Variants in MOCOS observed in about 807,000 individuals in gnomAD.
MOCOS encodes the protein human molybdenum cofactor sulfurase.
A neutral mutation model predicts 83.6 loss-of-function variants in MOCOS; 86 were observed. The ratio of observed to expected loss-of-function variants is 1.03; its 90% confidence interval spans 0.86 to 1.23. The LOEUF is 1.23. Among genes scored for constraint, MOCOS ranks in the 50% most tolerant of loss-of-function variants. The pLI is 0.00. For missense variants in MOCOS, 1,120 were observed against 1,126.9 expected (o/e 0.99, Z 0.09); for synonymous variants, 445 against 434.7 (o/e 1.02, Z -0.29).
intron 9 of MOCOS, among the ~76,000 whole-genome samples, chr18:36,234,433 C>A (rs1417727011): frequency 6.6e-6 from 1 of 152,104 alleles, no homozygotes; most frequent in African/African-American, 2.4e-5. Context: ...GTAACAGTAG[C>A]CTTGTATTAT....
At chr18:36,203,870 G>A (rs552946433) in intron 5 of MOCOS, among the ~76,000 whole-genome samples, 3 of 152,278 alleles carry the variant, frequency 2.0e-5, no homozygotes, top group African/African-American at 7.2e-5. Context: ...TGGGACAAAC[G>A]GAGTAGTTAA....
At chr18:36,196,614 G>A (rs926930911) in intron 2 of MOCOS, among the ~76,000 whole-genome samples, 1 of 152,252 alleles carries the variant, frequency 6.6e-6, no homozygotes, top group East Asian at 1.9e-4. Context: ...CTGGGAAGGT[G>A]CCAAGGAGGG....
intron 13 of MOCOS, among the ~76,000 whole-genome samples, chr18:36,261,567 A>C (rs1353392358): frequency 1.3e-5 from 2 of 152,226 alleles, no homozygotes; most frequent in Admixed American, 1.3e-4. Flanking sequence ...TCTTTATTAA[A>C]GAATTTTAGA....
rs143088339 is a variant in MOCOS, at chr18:36,250,572, T to G, written c.2040-587T>G. The stretch of plus-strand genomic sequence containing the variant: ...TAAAGAGTGAAGCACACTCTACATC[T>G]TCTTACCAGTACTTGCACCAATGTC... On this transcript the variant is annotated intron_variant, in intron 10 of 14. Coordinates refer to ENST00000261326, the MANE Select transcript of MOCOS (RefSeq NM_017947.4). Among the ~76,000 whole-genome samples the G allele has an allele frequency of 9.2e-3, 1,407 of 152,294 alleles. 14 individuals are homozygous for G. The highest frequency in any genetic ancestry group is 0.016 in the Non-Finnish European group (1,056 of 68,036).
chr18:36,203,262 T>C, intron 5 of MOCOS, 73 bp downstream of exon 5: 2 of 1,395,302 alleles, frequency 1.4e-6, no homozygotes, highest in Non-Finnish European at 2.0e-6. Context: ...ACAGGTGTGA[T>C]TCAGGTAAAG....
chr18:36,199,371 C>A (rs1190421718), intron 3 of MOCOS, among the ~76,000 whole-genome samples: 4 of 152,208 alleles, frequency 2.6e-5, no homozygotes, highest in Non-Finnish European at 5.9e-5. Context: ...ACTACTTAAA[C>A]CTTGTTATGT....
At chr18:36,259,993 CT>C in intron 12 of MOCOS, 43 bp from the exon 13 acceptor site, 1 of 1,611,400 alleles carries the variant, frequency 6.2e-7, no homozygotes, top group Non-Finnish European at 8.5e-7. Flanking sequence ...GTACAATTAT[CT>C]GCCATCCTCC....
chr18:36,214,244 C>CAAAAAAAAAAAAAAAAAAA (rs33965546), intron 7 of MOCOS, among the ~76,000 whole-genome samples: 2 of 91,396 alleles, frequency 2.2e-5, no homozygotes, highest in Non-Finnish European at 4.2e-5. Flanking sequence ...AACTCAGTCT[C>CAAAAAAAAAAAAAAAAAAA]AAAAAAAAAA....
In MOCOS at chr18:36,215,933, A is replaced by G. The variant is rs750841503; in HGVS notation, c.1753A>G (p.Thr585Ala). The G allele has an allele frequency of 6.2e-6, 10 of 1,613,706 alleles. No individual in the cohort carries two copies. The South Asian group carries it at 9.9e-5, about 16-fold the overall frequency. The change falls in exon 8 of 15, where the codon ACT (threonine) becomes GCT (alanine). Residue 585 changes from threonine to alanine, a missense_variant. Transcript: ENST00000261326. ...LEGALGPHVV[T>A]NLYLYPIKSC... ...GGGGGCCCTTGGGCCACATGTTGTC[A>G]CTAACCTTTATCTCTATCCAATCAA...
rs1251759544 is a variant in MOCOS, at chr18:36,248,916, C to T, written c.1961-6C>T. The T allele has an allele frequency of 6.2e-7, 1 of 1,612,532 alleles. No individual in the cohort carries two copies. The highest frequency in any genetic ancestry group is 1.7e-5 in the Admixed American group (1 of 59,970). On this transcript the variant is annotated splice_region_variant and splice_polypyrimidine_tract_variant and intron_variant, in intron 9 of 14. Transcript: ENST00000261326. ...GATAAATTTGTTTTTAACCTTTGTT[C>T]ATTAGGGATGGAGCCTATAGAGGTG...
intron 7 of MOCOS, among the ~76,000 whole-genome samples, chr18:36,214,092 T>G (rs1568054301): frequency 6.6e-6 from 1 of 151,164 alleles, no homozygotes; most frequent in Non-Finnish European, 1.5e-5. Flanking sequence ...AAATATAAAA[T>G]TATCCAGGTG....
At chr18:36,257,213 C>T (rs1334229689) in intron 12 of MOCOS, 140 bp downstream of exon 12, 1 of 771,630 alleles carries the variant, frequency 1.3e-6, no homozygotes, top group African/African-American at 1.7e-5. Context: ...AAACTGAGGC[C>T]CTGAGAAGTA....
chr18:36,235,548 T>C (rs1475218398), intron 9 of MOCOS, among the ~76,000 whole-genome samples: 1 of 118,066 alleles, frequency 8.5e-6, no homozygotes, highest in African/African-American at 3.4e-5. Context: ...ACATTTGGGT[T>C]GGTTCCAAGT....
At chr18:36,198,617 G>C (rs145924091) in intron 2 of MOCOS, 73 bp from the exon 3 acceptor site, 1 of 1,448,150 alleles carries the variant, frequency 6.9e-7, no homozygotes, top group African/African-American at 1.4e-5. Flanking sequence ...AACTGAGGGA[G>C]TGGATTCAGA....
intron 9 of MOCOS, among the ~76,000 whole-genome samples, chr18:36,245,954 T>A (rs1163087166): frequency 6.6e-6 from 1 of 152,198 alleles, no homozygotes; most frequent in African/African-American, 2.4e-5. Flanking sequence ...TCTCTAAGTG[T>A]GTCTTTCATT....
chr18:36,215,455 G>A, intron 7 of MOCOS, 61 bp from the exon 8 acceptor site: 1 of 1,506,646 alleles, frequency 6.6e-7, no homozygotes, highest in African/African-American at 1.4e-5. Context: ...TTGCCGAACT[G>A]TTTCCAGTGT....
At chr18:36,231,346 T>G (rs1442408462) in intron 9 of MOCOS, among the ~76,000 whole-genome samples, 1 of 152,236 alleles carries the variant, frequency 6.6e-6, no homozygotes, top group African/African-American at 2.4e-5. Flanking sequence ...TGTGTCTGTT[T>G]TTATCAGTGA....
At chr18:36,268,073 A>G (rs969046558) in intron 14 of MOCOS, among the ~76,000 whole-genome samples, 1 of 152,218 alleles carries the variant, frequency 6.6e-6, no homozygotes, top group African/African-American at 2.4e-5. Flanking sequence ...CCTACTCTTC[A>G]TTTTGGACCT....
intron 1 of MOCOS, among the ~76,000 whole-genome samples, chr18:36,188,599 G>A (rs2091351873): frequency 6.6e-6 from 1 of 152,214 alleles, no homozygotes; most frequent in Non-Finnish European, 1.5e-5. Flanking sequence ...GGGTTTGAGT[G>A]TATCTGCTCT....
Sources: gnomAD v4.1 joint callset for allele counts (sites outside exome capture counted in the v4.1 genomes callset) on GRCh38, gnomAD v4.1.1 for gene constraint, MANE v1.5 for transcripts, NCBI Gene and HGNC (gene_info 2026-07-23, HGNC 2026-07-21) for gene names.